LRP1B: variants seen among roughly 807,000 people sequenced by gnomAD.
LRP1B encodes the protein LDL receptor related protein 1B.
In LRP1B, 217 loss-of-function variants were observed where a neutral mutation model predicts 556.6. The observed-to-expected ratio is 0.39, with a 90% CI of 0.35 to 0.44. The LOEUF is 0.44. Among genes scored for constraint, LRP1B ranks in the 20% least tolerant of loss-of-function variants. LRP1B has a pLI of 1.00. For missense variants in LRP1B, 5,053 were observed against 5,620.8 expected, an observed-to-expected ratio of 0.90 and a Z score of 3.23; for synonymous variants, 2,047 against 1,865.8, an observed-to-expected ratio of 1.10 and a Z score of -2.50.
At chr2:140,266,627 A>AT (rs1682215038) in intron 86 of LRP1B, among the ~76,000 whole-genome samples, 1 of 151,808 alleles carries the variant, frequency 6.6e-6, no homozygotes, top group African/African-American at 2.4e-5. Flanking sequence ...TTGGCCTTTT[A>AT]TTTTTAGACC....
chr2:140,489,567 T>C (rs1688614977), intron 57 of LRP1B, among the ~76,000 whole-genome samples: 1 of 152,078 alleles, frequency 6.6e-6, no homozygotes, highest in South Asian at 2.1e-4. Flanking sequence ...GCAAAGTAAG[T>C]CAAAGTTCTA....
chr2:140,629,924 A>G (rs1444220395), intron 41 of LRP1B, among the ~76,000 whole-genome samples: 1 of 152,228 alleles, frequency 6.6e-6, no homozygotes, highest in African/African-American at 2.4e-5. Context: ...ATCAAACCCA[A>G]AATAATGGGA....
At chr2:141,644,198 A>C (rs991835675) in intron 2 of LRP1B, among the ~76,000 whole-genome samples, 1 of 152,010 alleles carries the variant, frequency 6.6e-6, no homozygotes, top group Admixed American at 6.6e-5. Flanking sequence ...CTCATCTTGA[A>C]TTGTAACTCT....
At chr2:142,082,287 C>T (rs1442072128) in intron 1 of LRP1B, among the ~76,000 whole-genome samples, 1 of 152,128 alleles carries the variant, frequency 6.6e-6, no homozygotes, top group East Asian at 1.9e-4. Context: ...CAACTCCACC[C>T]TAACAAACAC....
chr2:141,183,288 C>T (rs1189687647), intron 7 of LRP1B, among the ~76,000 whole-genome samples: 3 of 152,032 alleles, frequency 2.0e-5, no homozygotes, highest in Non-Finnish European at 4.4e-5. Context: ...CATTACAAAA[C>T]CTTTTACGTG....
intron 3 of LRP1B, among the ~76,000 whole-genome samples, chr2:141,458,784 TG>T (rs1188999699): frequency 1.3e-5 from 2 of 152,198 alleles, no homozygotes; most frequent in African/African-American, 4.8e-5. Flanking sequence ...TCCTTGATCA[TG>T]GAAAACAGTA....
At chr2:141,625,110 A>G (rs1688659450) in intron 2 of LRP1B, among the ~76,000 whole-genome samples, 1 of 152,188 alleles carries the variant, frequency 6.6e-6, no homozygotes, top group Admixed American at 6.5e-5. Flanking sequence ...TCCTCCTAGT[A>G]GCAAATTTAT....
At chr2:141,465,543 C>CT (rs71391652) in intron 3 of LRP1B, among the ~76,000 whole-genome samples, 4,635 of 117,278 alleles carry the variant, frequency 0.04, 284 homozygotes, top group African/African-American at 0.12. Flanking sequence ...CACAGCATGA[C>CT]TTTTTTTTTT....
chr2:140,729,975 C>A (rs560476268), intron 35 of LRP1B, among the ~76,000 whole-genome samples: 21 of 152,304 alleles, frequency 1.4e-4, no homozygotes, highest in Admixed American at 1.3e-4. Context: ...TTGCTCTCAA[C>A]TGATGGAAGG....
At chr2:141,728,974 A>C (rs1330468709) in intron 2 of LRP1B, among the ~76,000 whole-genome samples, 2 of 152,152 alleles carry the variant, frequency 1.3e-5, no homozygotes, top group African/African-American at 4.8e-5. Flanking sequence ...GTCTGCCAAC[A>C]GGTGGCCAGA....
intron 43 of LRP1B, among the ~76,000 whole-genome samples, chr2:140,584,692 C>CT (rs1194447781): frequency 6.6e-6 from 1 of 152,044 alleles, no homozygotes; most frequent in Non-Finnish European, 1.5e-5. Context: ...TTCAGTAATA[C>CT]TTTAATTTGC....
intron 35 of LRP1B, among the ~76,000 whole-genome samples, chr2:140,765,340 A>T (rs1259423730): frequency 1.3e-5 from 2 of 152,262 alleles, no homozygotes; most frequent in Non-Finnish European, 2.9e-5. Context: ...CAATTGTTTC[A>T]TTATTAAGGA....
chr2:141,330,463 A>C (rs1687597246), intron 3 of LRP1B, among the ~76,000 whole-genome samples: 1 of 152,186 alleles, frequency 6.6e-6, no homozygotes, highest in Admixed American at 6.5e-5. Context: ...ATTCAACATC[A>C]ACTTTTAGAA....
intron 7 of LRP1B, among the ~76,000 whole-genome samples, chr2:141,154,535 A>T (rs911691887): frequency 6.6e-6 from 1 of 151,894 alleles, no homozygotes; most frequent in Non-Finnish European, 1.5e-5. Flanking sequence ...TCTTCAAGCA[A>T]TCAGAAATTA....
chr2:141,265,113 G>T (rs1684838869), intron 3 of LRP1B, among the ~76,000 whole-genome samples: 1 of 152,168 alleles, frequency 6.6e-6, no homozygotes, highest in South Asian at 2.1e-4. Context: ...ATGTCCAGGA[G>T]TCAATGGCTG....
At chr2:140,392,892 C>G (rs970174381) in intron 66 of LRP1B, among the ~76,000 whole-genome samples, 1 of 151,694 alleles carries the variant, frequency 6.6e-6, no homozygotes, top group Non-Finnish European at 1.5e-5. Flanking sequence ...CCACTAATAT[C>G]TAACAATTAA....
At chr2:140,247,752 A>G (rs1681230927) in intron 86 of LRP1B, among the ~76,000 whole-genome samples, 1 of 151,682 alleles carries the variant, frequency 6.6e-6, no homozygotes, top group South Asian at 2.1e-4. Context: ...TGTTTTTCCC[A>G]TGTAAGTACT....
intron 15 of LRP1B, among the ~76,000 whole-genome samples, chr2:141,002,237 C>A (rs1697446217): frequency 6.6e-6 from 1 of 151,332 alleles, no homozygotes; most frequent in Admixed American, 6.6e-5. Flanking sequence ...GAAAAAAAAA[C>A]CTTACTAGAA....
At chr2:141,684,384 A>G (rs1375678460) in intron 2 of LRP1B, among the ~76,000 whole-genome samples, 2 of 152,088 alleles carry the variant, frequency 1.3e-5, no homozygotes, top group East Asian at 1.9e-4. Flanking sequence ...GTTCTCTCTC[A>G]TAAGTGGAAG....
Sources: allele counts gnomAD v4.1 joint callset (sites outside exome capture counted in the v4.1 genomes callset), GRCh38; gene constraint gnomAD v4.1.1; transcripts MANE v1.5; gene names NCBI Gene and HGNC (gene_info 2026-07-23, HGNC 2026-07-21).